The following OPCML variants were observed in gnomAD, a reference collection of about 807,000 sequenced individuals.
OPCML encodes the protein opioid-binding protein/cell adhesion molecule.
Under a neutral mutation model 37.8 loss-of-function variants are expected in OPCML, and 13 were observed. The observed-to-expected ratio is 0.34, with a 90% CI of 0.22 to 0.55. OPCML has a LOEUF of 0.55. Among genes scored for constraint, OPCML ranks in the 20% least tolerant of loss-of-function variants. The pLI is 0.91. For missense variants in OPCML, 341 were observed against 435.6 expected (o/e 0.78, Z 1.93); for synonymous variants, 176 against 168.8 (o/e 1.04, Z -0.33).
intron 2 of OPCML, among the ~76,000 whole-genome samples, chr11:132,704,085 G>T (rs925673414): frequency 3.3e-5 from 5 of 152,110 alleles, no homozygotes; most frequent in Non-Finnish European, 7.3e-5. Flanking sequence ...GTGTCTGTTG[G>T]AGTTTGAAGC....
At chr11:132,903,169 T>C (rs999720020) in intron 2 of OPCML, among the ~76,000 whole-genome samples, 1 of 151,934 alleles carries the variant, frequency 6.6e-6, no homozygotes, top group African/African-American at 2.4e-5. Context: ...AAATTTGTTA[T>C]GGCATTTTTT....
At chr11:133,204,923 G>A (rs1382525434) in intron 1 of OPCML, among the ~76,000 whole-genome samples, 5 of 101,330 alleles carry the variant, frequency 4.9e-5, no homozygotes, top group East Asian at 4.5e-4. Context: ...TACACATTTA[G>A]ATATGGTCTT....
intron 1 of OPCML, among the ~76,000 whole-genome samples, chr11:132,951,735 C>T (rs1379408437): frequency 6.6e-6 from 1 of 152,148 alleles, no homozygotes; most frequent in East Asian, 1.9e-4. Context: ...CAGAGCAAGA[C>T]ACAAAAATTC....
intron 1 of OPCML, among the ~76,000 whole-genome samples, chr11:133,102,260 A>G (rs946203956): frequency 3.9e-5 from 6 of 152,100 alleles, no homozygotes; most frequent in African/African-American, 1.4e-4. Context: ...GTAGTGTGAG[A>G]TGTTGACAAT....
intron 4 of OPCML, among the ~76,000 whole-genome samples, chr11:132,443,241 A>G (rs993440914): frequency 3.3e-5 from 5 of 152,214 alleles, no homozygotes; most frequent in African/African-American, 4.8e-5. Context: ...GAGAGCAGTG[A>G]GGAGGATCTA....
chr11:132,800,296 A>G (rs1369393526), intron 2 of OPCML, among the ~76,000 whole-genome samples: 1 of 152,220 alleles, frequency 6.6e-6, no homozygotes, highest in East Asian at 1.9e-4. Flanking sequence ...AGCAGTTCTA[A>G]TCAAACTTTT....
intron 3 of OPCML, among the ~76,000 whole-genome samples, chr11:132,616,922 A>C (rs1015401552): frequency 6.6e-6 from 1 of 152,252 alleles, no homozygotes; most frequent in Non-Finnish European, 1.5e-5. Context: ...CAATGGAATC[A>C]AATTGAATCC....
At chr11:132,434,085 C>A (rs2096005775) in intron 7 of OPCML, among the ~76,000 whole-genome samples, 1 of 152,134 alleles carries the variant, frequency 6.6e-6, no homozygotes, top group Admixed American at 6.6e-5. Flanking sequence ...GCATCATACT[C>A]CCTGCAACAG....
chr11:132,441,645 G>T (rs574240944), intron 4 of OPCML, among the ~76,000 whole-genome samples: 3 of 152,310 alleles, frequency 2.0e-5, no homozygotes, highest in African/African-American at 7.2e-5. Flanking sequence ...AAGGTTGGAA[G>T]CAACAGAAAG....
chr11:133,442,317 A>G (rs919078073), intron 1 of OPCML, among the ~76,000 whole-genome samples: 1 of 152,052 alleles, frequency 6.6e-6, no homozygotes, highest in African/African-American at 2.4e-5. Flanking sequence ...GGGTGAGACA[A>G]ACTTTTTATT....
At chr11:132,886,607 C>A (rs1943429093) in intron 2 of OPCML, among the ~76,000 whole-genome samples, 1 of 152,322 alleles carries the variant, frequency 6.6e-6, no homozygotes, top group East Asian at 1.9e-4. Flanking sequence ...CCTTTTCTGA[C>A]CCAGCCTGAG....
chr11:132,781,642 G>C (rs1947021408), intron 2 of OPCML, among the ~76,000 whole-genome samples: 3 of 149,480 alleles, frequency 2.0e-5, no homozygotes. Flanking sequence ...TTTTGGTCTG[G>C]AAAACTCTAA....
chr11:133,030,577 G>A (rs554646509), intron 1 of OPCML, among the ~76,000 whole-genome samples: 17 of 152,152 alleles, frequency 1.1e-4, no homozygotes, highest in Non-Finnish European at 2.2e-4. Context: ...CAAGAATGAA[G>A]TGCAAGATAT....
intron 2 of OPCML, among the ~76,000 whole-genome samples, chr11:132,921,272 T>A (rs1944790326): frequency 6.6e-6 from 1 of 152,204 alleles, no homozygotes; most frequent in Non-Finnish European, 1.5e-5. Flanking sequence ...TGGCTTTTGA[T>A]CACGGTAAGG....
intron 1 of OPCML, among the ~76,000 whole-genome samples, chr11:133,415,870 G>A (rs1242460440): frequency 6.6e-6 from 1 of 152,220 alleles, no homozygotes; most frequent in African/African-American, 2.4e-5. Flanking sequence ...ACAGGAGAGA[G>A]GCCTGCAGCT....
At chr11:133,410,634 TAAAAAAAAAAAAAAAA>T (rs71038527) in intron 1 of OPCML, among the ~76,000 whole-genome samples, 123 of 47,004 alleles carry the variant, frequency 2.6e-3, no homozygotes, top group Middle Eastern at 0.031. Context: ...AGAAAAAAAG[TAAAAAAAAAAAAAAAA>T]AAAAAAAAAA....
intron 1 of OPCML, among the ~76,000 whole-genome samples, chr11:133,368,913 A>T (rs1471087350): frequency 6.6e-6 from 1 of 152,188 alleles, no homozygotes; most frequent in Non-Finnish European, 1.5e-5. Context: ...TCCTCACTTG[A>T]CTTCTCTGTG....
At chr11:133,249,863 A>G (rs186448567) in intron 1 of OPCML, among the ~76,000 whole-genome samples, 47 of 152,346 alleles carry the variant, frequency 3.1e-4, no homozygotes, top group Non-Finnish European at 8.8e-5. Flanking sequence ...GCCTGAGCAC[A>G]TCTTGTCAGA....
intron 3 of OPCML, among the ~76,000 whole-genome samples, chr11:132,591,215 C>T (rs868507708): frequency 9.2e-5 from 14 of 152,192 alleles, no homozygotes; most frequent in East Asian, 1.9e-4. Flanking sequence ...ATGATTATGG[C>T]GCCACAGACA....
Sources: allele counts gnomAD v4.1 joint callset (sites outside exome capture counted in the v4.1 genomes callset), GRCh38; gene constraint gnomAD v4.1.1; transcripts MANE v1.5; gene names NCBI Gene and HGNC (gene_info 2026-07-23, HGNC 2026-07-21).